Variants in UNC93A observed in about 807,000 individuals in gnomAD.
The protein encoded by UNC93A is N-acetylglucosamine transporter UNC93A.
In UNC93A, 43 loss-of-function variants were observed where a neutral mutation model predicts 47.5. The observed-to-expected ratio is 0.91, with a 90% CI of 0.71 to 1.17. UNC93A has a LOEUF of 1.17. UNC93A is among the 50% of genes most tolerant of loss of function. The pLI, the probability that UNC93A is intolerant of heterozygous loss-of-function variation, is 0.00. For synonymous variants in UNC93A, 280 were observed against 258.0 expected (o/e 1.09, Z -0.82); for missense variants, 605 against 577.6 (o/e 1.05, Z -0.49).
chr6:167,277,144 G>A (rs954256893), intron 1 of UNC93A, among the ~76,000 whole-genome samples: 7 of 152,232 alleles, frequency 4.6e-5, no homozygotes, highest in Non-Finnish European at 1.0e-4. Flanking sequence ...CCTCTGTGAA[G>A]GTAGCAGCTT....
intron 1 of UNC93A, among the ~76,000 whole-genome samples, chr6:167,274,138 G>C (rs60736015): frequency 0.027 from 4,091 of 152,262 alleles, 196 homozygotes; most frequent in African/African-American, 0.093. Context: ...GTCATGTGAA[G>C]TTACGCCAGA....
chr6:167,270,369 C>G (rs947827544), upstream of UNC93A, among the ~76,000 whole-genome samples: 10 of 152,036 alleles, frequency 6.6e-5, no homozygotes, highest in Admixed American at 2.6e-4. Context: ...TAACTATGAG[C>G]AGAGGGTGCA....
intron 7 of UNC93A, among the ~76,000 whole-genome samples, chr6:167,310,013 C>T (rs1347769282): frequency 6.6e-6 from 1 of 152,196 alleles, no homozygotes; most frequent in African/African-American, 2.4e-5. Context: ...GGGAGACAAA[C>T]AGCAACTCAC....
At chr6:167,294,767 C>G in intron 2 of UNC93A, 69 bp downstream of exon 2, 1 of 1,484,736 alleles carries the variant, frequency 6.7e-7, no homozygotes, top group Non-Finnish European at 9.1e-7. Flanking sequence ...TCACTCTGCA[C>G]ATGAGTTGCA....
At chr6:167,277,757 C>T (rs1321746969) in intron 1 of UNC93A, among the ~76,000 whole-genome samples, 2 of 152,192 alleles carry the variant, frequency 1.3e-5, no homozygotes, top group Middle Eastern at 3.4e-3. Context: ...CTGGCTATCT[C>T]TGTCTCTCTG....
At chr6:167,304,889 G>T (rs1406011720) in intron 5 of UNC93A, among the ~76,000 whole-genome samples, 1 of 152,188 alleles carries the variant, frequency 6.6e-6, no homozygotes, top group Non-Finnish European at 1.5e-5. Context: ...TTCAAATCAT[G>T]CTTCACAATC....
chr6:167,271,097 A>C (rs905613402), upstream of UNC93A: 1 of 152,350 alleles, frequency 6.6e-6, no homozygotes, highest in Non-Finnish European at 1.5e-5. Context: ...ATTAGGCAGC[A>C]AGGGAGGGAA....
chr6:167,291,474 C>G lies in UNC93A; in HGVS notation c.-16C>G. ...ATTTACGTGTTCACTGGTGATTGAT[C>G]TTTTCATCCAGCACAATGGACAGAA... is the stretch of plus-strand genomic sequence containing the variant. On this transcript the variant is annotated 5_prime_UTR_variant, in exon 1 of 8. In the 5' UTR this introduces an upstream ATG that the reference lacks. Coordinates refer to ENST00000230256, the MANE Select transcript of UNC93A (RefSeq NM_018974.4). The G allele has an allele frequency of 6.2e-7, 1 of 1,604,940 alleles. No individual in the cohort carries two copies. The highest frequency in any genetic ancestry group is 8.5e-7 in the Non-Finnish European group (1 of 1,177,442).
intron 3 of UNC93A, among the ~76,000 whole-genome samples, 175 bp from the exon 4 acceptor site, chr6:167,297,770 G>C (rs1006765685): frequency 3.9e-5 from 6 of 152,128 alleles, no homozygotes; most frequent in Non-Finnish European, 5.9e-5. Context: ...CTAGGGACAT[G>C]TGCCTAGACT....
At chr6:167,311,890 C>T (rs1232702183) in intron 7 of UNC93A, among the ~76,000 whole-genome samples, 2 of 149,304 alleles carry the variant, frequency 1.3e-5, no homozygotes, top group East Asian at 4.0e-4. Context: ...TCTCACAGAG[C>T]CACGGCACAT....
At chr6:167,301,098 C>T (rs916772323) in intron 4 of UNC93A, among the ~76,000 whole-genome samples, 5 of 152,242 alleles carry the variant, frequency 3.3e-5, no homozygotes, top group Admixed American at 3.3e-4. Context: ...AGGCTTTGGC[C>T]CGCAGGCCAT....
intron 1 of UNC93A, among the ~76,000 whole-genome samples, chr6:167,279,119 A>T (rs898624819): frequency 1.3e-5 from 2 of 152,248 alleles, no homozygotes; most frequent in African/African-American, 2.4e-5. Context: ...TAGTTAAGAC[A>T]TACTTATTAG....
chr6:167,308,846 C>T (rs1231230089), intron 7 of UNC93A, among the ~76,000 whole-genome samples: 1 of 152,084 alleles, frequency 6.6e-6, no homozygotes, highest in Non-Finnish European at 1.5e-5. Context: ...AGGTGCGGCC[C>T]TGTGGGGAGC....
At chr6:167,315,147 G>A in intron 7 of UNC93A, 40 bp from the exon 8 acceptor site, 4 of 1,607,776 alleles carry the variant, frequency 2.5e-6, no homozygotes, top group Non-Finnish European at 2.5e-6. Flanking sequence ...GTCACTGTGG[G>A]GCCCATGGCA....
intron 7 of UNC93A, among the ~76,000 whole-genome samples, chr6:167,311,194 T>C (rs1778545884): frequency 6.6e-6 from 1 of 152,226 alleles, no homozygotes; most frequent in Non-Finnish European, 1.5e-5. Context: ...GTGGACCACG[T>C]ATGTTCTTAA....
Position 167,291,412 on chromosome 6 carries a change from TC to T in UNC93A, c.-75del. On this transcript the variant is annotated 5_prime_UTR_variant, in exon 1 of 8. An upstream open reading frame in the 5' UTR loses its in-frame stop. Coordinates refer to ENST00000230256, the MANE Select transcript of UNC93A (RefSeq NM_018974.4). The stretch of plus-strand genomic sequence containing the variant: ...GGGACTTCTTGGTACTGATTGTTTT[TC>T]CCATGCCTCAATTGGTTTCTTTTAG... The T allele has an allele frequency of 7.7e-7, 1 of 1,301,954 alleles. No individual in the cohort carries two copies. 80.7% of individuals were successfully genotyped at this position (1,301,954 alleles called of 1,614,324 possible).
chr6:167,294,435 C>G, intron 1 of UNC93A, 82 bp from the exon 2 acceptor site: 4 of 1,529,432 alleles, frequency 2.6e-6, no homozygotes, highest in Non-Finnish European at 3.5e-6. Flanking sequence ...GGCCTCCAGC[C>G]TGGGGGACAC....
At chr6:167,303,640 C>T (rs945972527) in intron 4 of UNC93A, among the ~76,000 whole-genome samples, 8 of 151,944 alleles carry the variant, frequency 5.3e-5, no homozygotes, top group Admixed American at 1.3e-4. Context: ...GGGGTCGCTC[C>T]GGAATTTTTT....
intron 7 of UNC93A, among the ~76,000 whole-genome samples, chr6:167,314,986 A>T (rs900175499): frequency 2.0e-5 from 3 of 152,118 alleles, no homozygotes; most frequent in Admixed American, 1.3e-4. Context: ...GGCAAAATAA[A>T]CATTCTAAGT....
Sources: allele counts gnomAD v4.1 joint callset (sites outside exome capture counted in the v4.1 genomes callset), GRCh38; gene constraint gnomAD v4.1.1; transcripts MANE v1.5; gene names NCBI Gene and HGNC (gene_info 2026-07-23, HGNC 2026-07-21).